Variants in EPHA5 observed in about 807,000 individuals in gnomAD.
The protein encoded by EPHA5 is EPH receptor A5.
EPHA5 carries 60 observed loss-of-function variants against 105.0 expected under a neutral mutation model. The ratio of observed to expected loss-of-function variants is 0.57; its 90% CI spans 0.46 to 0.71. The LOEUF is 0.71. EPHA5 is among the 30% of genes least tolerant of loss of function. The probability of loss-of-function intolerance (pLI) is 0.00; values close to 1 mark genes in which losing one functional copy is unlikely to be tolerated. For synonymous variants in EPHA5, 513 were observed against 449.1 expected, an observed-to-expected ratio of 1.14 and a Z score of -1.80; for missense variants, 1,218 against 1,274.7, an observed-to-expected ratio of 0.96 and a Z score of 0.68.
rs1719612498 is a variant in EPHA5, at chr4:65,321,189, T to A, written c.*2925A>T. The A allele has an allele frequency of 4.3e-6, 1 of 230,736 alleles. No individual in the cohort carries two copies. Among genetic ancestry groups the A allele is most frequent in the Admixed American group, 5.7e-5 (1 of 17,648 alleles). The allele number at this position is 230,736 out of a possible 1,614,324, so 14.3% of individuals were successfully genotyped here. A position where few individuals can be genotyped will look rare whatever the true frequency, so the allele number is the denominator to read the frequency against. On this transcript the variant is annotated 3_prime_UTR_variant, in exon 17 of 17. Coordinates refer to ENST00000613740, the MANE Select transcript of EPHA5 (RefSeq NM_001281766.3). Reference sequence around the variant, plus strand: ...TGAAAGACTCATGCCCCTTAAGATATTGCTACTGGCAATTACAATAAGATT... The same window carrying A: ...TGAAAGACTCATGCCCCTTAAGATAATGCTACTGGCAATTACAATAAGATT...
chr4:65,517,279 A>G (rs1033886987), intron 3 of EPHA5, among the ~76,000 whole-genome samples: 1 of 151,874 alleles, frequency 6.6e-6, no homozygotes, highest in Non-Finnish European at 1.5e-5. Context: ...AATAACTGCC[A>G]ACAGAGCCTT....
chr4:65,373,549 A>T (rs901452623), intron 8 of EPHA5, among the ~76,000 whole-genome samples: 2 of 151,954 alleles, frequency 1.3e-5, no homozygotes, highest in Non-Finnish European at 2.9e-5. Flanking sequence ...TTAGGATAAT[A>T]GTTAATGTTT....
intron 3 of EPHA5, among the ~76,000 whole-genome samples, chr4:65,555,923 A>T (rs1290040093): frequency 2.0e-5 from 3 of 152,172 alleles, no homozygotes; most frequent in Non-Finnish European, 4.4e-5. Context: ...AAAAAAGACT[A>T]TGGAAAACAT....
At chr4:65,600,382 A>G (rs1743600993) in intron 3 of EPHA5, among the ~76,000 whole-genome samples, 1 of 152,208 alleles carries the variant, frequency 6.6e-6, no homozygotes, top group African/African-American at 2.4e-5. Flanking sequence ...TGTAGCTTGC[A>G]TGGAAAAACA....
At chr4:65,582,534 G>C (rs904925176) in intron 3 of EPHA5, among the ~76,000 whole-genome samples, 6 of 151,170 alleles carry the variant, frequency 4.0e-5, no homozygotes, top group African/African-American at 1.5e-4. Flanking sequence ...AAAAATTATG[G>C]GCAAATTATC....
rs960869782 is a variant in EPHA5, at chr4:65,322,040, T to A, written c.*2074A>T. ...TTATTGAAATGAACAAATGCATCTT[T>A]AATAATGGTGATGCTTTTTTATGAT... On this transcript the variant is annotated 3_prime_UTR_variant, in exon 17 of 17. Coordinates refer to ENST00000613740, the MANE Select transcript of EPHA5 (RefSeq NM_001281766.3). 10 of 226,546 alleles carry A rather than the reference T, an allele frequency of 4.4e-5. No individual in the cohort carries two copies. Among genetic ancestry groups the A allele is most frequent in the Middle Eastern group, 1.3e-3 (1 of 742 alleles). 14.0% of individuals were successfully genotyped at this position (226,546 alleles called of 1,614,324 possible).
chr4:65,624,472 G>T (rs1745964171), intron 2 of EPHA5, among the ~76,000 whole-genome samples: 1 of 151,872 alleles, frequency 6.6e-6, no homozygotes, highest in Non-Finnish European at 1.5e-5. Flanking sequence ...GTTACTAAAG[G>T]GTGAGTTTTC....
At chr4:65,439,071 T>C (rs1725764680) in intron 5 of EPHA5, among the ~76,000 whole-genome samples, 1 of 152,086 alleles carries the variant, frequency 6.6e-6, no homozygotes, top group Non-Finnish European at 1.5e-5. Context: ...ATTATGCCCA[T>C]TTTACAGGTG....
chr4:65,509,705 A>G (rs567649130), intron 3 of EPHA5, among the ~76,000 whole-genome samples: 2 of 152,326 alleles, frequency 1.3e-5, no homozygotes, highest in Admixed American at 6.5e-5. Context: ...TAATACCAGT[A>G]GCCACATTAA....
At chr4:65,555,834 G>C in intron 3 of EPHA5, among the ~76,000 whole-genome samples, 1 of 141,014 alleles carries the variant, frequency 7.1e-6, no homozygotes, top group East Asian at 1.9e-4. Flanking sequence ...TAATATTTTC[G>C]ATTTGGCATT....
intron 8 of EPHA5, among the ~76,000 whole-genome samples, chr4:65,400,745 G>T (rs1721733728): frequency 6.6e-6 from 1 of 151,916 alleles, no homozygotes; most frequent in South Asian, 2.1e-4. Flanking sequence ...GTCATCATTT[G>T]CACTTTTTTT....
chr4:65,407,540 T>A (rs1396510024), intron 7 of EPHA5, among the ~76,000 whole-genome samples: 1 of 152,058 alleles, frequency 6.6e-6, no homozygotes, highest in Non-Finnish European at 1.5e-5. Flanking sequence ...ACATATTTTA[T>A]AAGTAACATC....
intron 14 of EPHA5, among the ~76,000 whole-genome samples, chr4:65,338,211 A>G (rs1165133886): frequency 6.6e-6 from 1 of 152,132 alleles, no homozygotes; most frequent in African/African-American, 2.4e-5. Context: ...TATCATTTGC[A>G]CACATAGATC....
chr4:65,475,435 T>C (rs1467867406), intron 5 of EPHA5, among the ~76,000 whole-genome samples: 1 of 152,166 alleles, frequency 6.6e-6, no homozygotes, highest in Non-Finnish European at 1.5e-5. Flanking sequence ...CTCATGCATA[T>C]GCTTGATTTA....
rs779107943 is a variant in EPHA5 at position 65,321,473 on chromosome 4, A to T, written c.*2641T>A. On this transcript the variant is annotated 3_prime_UTR_variant, in exon 17 of 17. Coordinates refer to ENST00000613740, the MANE Select transcript of EPHA5 (RefSeq NM_001281766.3). ...ACAATAGGAAACAAATATTTTAGGA[A>T]GGCATTCTTTCCTCTTTTTTAGGGA... is the stretch of plus-strand genomic sequence containing the variant. 2 of 229,666 alleles carry T rather than the reference A, an allele frequency of 8.7e-6. No individual in the cohort carries two copies. The highest frequency in any genetic ancestry group is 1.7e-5 in the Non-Finnish European group (2 of 115,786). The allele number at this position is 229,666 out of a possible 1,614,324, so 14.2% of individuals were successfully genotyped here.
chr4:65,528,676 TG>T (rs1735472657), intron 3 of EPHA5, among the ~76,000 whole-genome samples: 1 of 152,196 alleles, frequency 6.6e-6, no homozygotes, highest in Non-Finnish European at 1.5e-5. Context: ...CTTTGTTTCA[TG>T]TTATTTTTTT....
At chr4:65,502,870 C>T (rs1732632335) in intron 3 of EPHA5, among the ~76,000 whole-genome samples, 1 of 151,722 alleles carries the variant, frequency 6.6e-6, no homozygotes, top group Admixed American at 6.6e-5. Context: ...CCTAGGTTTC[C>T]ACCAATGGTG....
At chr4:65,409,544 A>T (rs1722721409) in intron 7 of EPHA5, among the ~76,000 whole-genome samples, 1 of 152,164 alleles carries the variant, frequency 6.6e-6, no homozygotes, top group Non-Finnish European at 1.5e-5. Flanking sequence ...GACCCATATT[A>T]TGTGGATATT....
intron 5 of EPHA5, among the ~76,000 whole-genome samples, chr4:65,431,627 A>T (rs548094794): frequency 6.6e-6 from 1 of 152,034 alleles, no homozygotes; most frequent in South Asian, 2.1e-4. Flanking sequence ...ATTACTGAAA[A>T]CCTACTGTAT....
Sources: gnomAD v4.1 joint callset for allele counts (sites outside exome capture counted in the v4.1 genomes callset) on GRCh38, gnomAD v4.1.1 for gene constraint, MANE v1.5 for transcripts, NCBI Gene and HGNC (gene_info 2026-07-23, HGNC 2026-07-21) for gene names.